FRMD3: variants seen among roughly 807,000 people sequenced by gnomAD.
The protein encoded by FRMD3 is FERM domain containing 3, also known as FERM domain-containing protein 3.
Under a neutral mutation model 70.2 loss-of-function variants are expected in FRMD3, and 33 were observed. That is an observed-to-expected ratio of 0.47 (90% CI 0.36 to 0.63). The LOEUF (loss-of-function observed/expected upper bound fraction) is 0.63, where lower values mean the gene tolerates loss of function less well. FRMD3 is among the 20% of genes least tolerant of loss of function. The probability of loss-of-function intolerance (pLI) is 0.00; values close to 1 mark genes in which losing one functional copy is unlikely to be tolerated. For missense variants in FRMD3, 632 were observed against 711.4 expected (o/e 0.89, Z 1.27); for synonymous variants, 279 against 255.9 (o/e 1.09, Z -0.86).
intron 1 of FRMD3, among the ~76,000 whole-genome samples, chr9:83,439,171 A>ACAT: frequency 6.6e-6 from 1 of 152,358 alleles, no homozygotes; most frequent in Admixed American, 6.5e-5. Flanking sequence ...CACTTGATGA[A>ACAT]CATGGTTAAA....
At chr9:83,491,843 A>G (rs777217708) in intron 1 of FRMD3, among the ~76,000 whole-genome samples, 5 of 152,204 alleles carry the variant, frequency 3.3e-5, no homozygotes, top group Non-Finnish European at 7.3e-5. Context: ...AGCGTATTAC[A>G]GTGATATGCA....
the FRMD3 span, among the ~76,000 whole-genome samples, chr9:83,565,369 A>G: frequency 6.6e-6 from 1 of 152,338 alleles, no homozygotes; most frequent in East Asian, 1.9e-4. Flanking sequence ...CTAAAGGCGC[A>G]TGCTATAGTT....
chr9:83,507,687 C>CATAT lies in FRMD3; in HGVS notation c.147+30397_147+30398insATAT, dbSNP rs60192207. Among the ~76,000 whole-genome samples, 395 of 46,892 alleles carry CATAT rather than the reference C, an allele frequency of 8.4e-3. 55 individuals are homozygous for CATAT. Among genetic ancestry groups the CATAT allele is most frequent in the Middle Eastern group, 0.029 (2 of 68 alleles). The allele number at this position is 46,892 out of a possible 152,430, so 30.8% of individuals were successfully genotyped here. On this transcript the variant is annotated intron_variant, in intron 1 of 13. Transcript: ENST00000304195. ...TCCGTCTCAAACAAAAAAAAATATACATACATATATATATATATATATATA... is the reference window on the plus strand; with the variant it reads ...TCCGTCTCAAACAAAAAAAAATATACATATATACATATATATATATATATATATA...
At position 83,413,461 on chromosome 9, in the gene FRMD3, G is replaced by A. The variant is rs189228107; in HGVS notation, c.148-23753C>T. On this transcript the variant is annotated intron_variant, in intron 1 of 13. Coordinates refer to ENST00000304195, the MANE Select transcript of FRMD3 (RefSeq NM_174938.6). ...CAAGGATGCACCCGGGCCCCTGAAT[G>A]TCACAACAATATGTCAGTTCTTTCA... Among the ~76,000 whole-genome samples, 440 of 152,296 alleles carry A rather than the reference G, an allele frequency of 2.9e-3. 1 individual carries two copies. The highest frequency in any genetic ancestry group is 8.5e-3 in the South Asian group (41 of 4,818).
At chr9:83,433,984 T>G (rs1827057767) in intron 1 of FRMD3, among the ~76,000 whole-genome samples, 1 of 152,216 alleles carries the variant, frequency 6.6e-6, no homozygotes, top group Admixed American at 6.5e-5. Flanking sequence ...AGTCACCATC[T>G]TGCTCTATTC....
At position 83,272,877 on chromosome 9, in the gene FRMD3, C is replaced by G. The variant is rs190918619; in HGVS notation, c.1195+17726G>C. Among the ~76,000 whole-genome samples the G allele has an allele frequency of 1.6e-4, 21 of 132,000 alleles. 1 individual carries two copies. In the South Asian group the frequency reaches 2.3e-3, roughly 15 times the overall value. 86.6% of individuals were successfully genotyped at this position (132,000 alleles called of 152,430 possible). A position where few individuals can be genotyped will look rare whatever the true frequency, so the allele number is the denominator to read the frequency against. On this transcript the variant is annotated intron_variant, in intron 13 of 13. Transcript: ENST00000304195. ...AGCGTCTCTGCCCGGCCACCCCGTC[C>G]GAGAAGTGAGGAGCCCCTCCGCCCG...
chr9:83,438,480 C>T (rs998190360), intron 1 of FRMD3, among the ~76,000 whole-genome samples: 2 of 152,068 alleles, frequency 1.3e-5, no homozygotes, highest in African/African-American at 2.4e-5. Flanking sequence ...AGTGCAATGG[C>T]ACAATCTTGG....
At chr9:83,582,603 ACT>A in the FRMD3 span, among the ~76,000 whole-genome samples, 1 of 152,208 alleles carries the variant, frequency 6.6e-6, no homozygotes, top group Non-Finnish European at 1.5e-5. Context: ...GAGGTATAAA[ACT>A]CTCCATAGCA....
upstream of FRMD3, among the ~76,000 whole-genome samples, chr9:83,538,807 G>C (rs1400348453): frequency 1.3e-5 from 2 of 150,402 alleles, no homozygotes; most frequent in Non-Finnish European, 2.9e-5. The surrounding 1 kb of genome is among the most constrained non-coding windows in gnomAD (Gnocchi z 4.7). Context: ...GGGACCTGGC[G>C]CGGGTAGGGG....
chr9:83,513,998 C>T lies in FRMD3; in HGVS notation c.147+24087G>A, dbSNP rs1417302075. Among the ~76,000 whole-genome samples the T allele has an allele frequency of 4.6e-5, 7 of 152,188 alleles. No individual in the cohort carries two copies. In the East Asian group the frequency reaches 1.3e-3, roughly 29 times the overall value. On this transcript the variant is annotated intron_variant, in intron 1 of 13. Coordinates refer to ENST00000304195, the MANE Select transcript of FRMD3 (RefSeq NM_174938.6). ...CAGGAGATTCCCTTGGGTGCCTACA[C>T]CACAAGGGCCCTGGGTTTCAAGCAC... is the stretch of plus-strand genomic sequence containing the variant.
the FRMD3 span, among the ~76,000 whole-genome samples, chr9:83,572,148 G>GGT: frequency 0.023 from 3,482 of 148,908 alleles, 102 homozygotes; most frequent in African/African-American, 0.068. Flanking sequence ...AGTTTTTTGA[G>GGT]GTGTGTGTGT....
upstream of FRMD3, among the ~76,000 whole-genome samples, chr9:83,539,893 A>C (rs146434571): frequency 6.6e-6 from 1 of 152,344 alleles, no homozygotes; most frequent in Non-Finnish European, 1.5e-5. Flanking sequence ...AGTATGGGGC[A>C]TTCATGTAGG....
chr9:83,460,982 G>A (rs1827954390), intron 1 of FRMD3, among the ~76,000 whole-genome samples: 2 of 151,952 alleles, frequency 1.3e-5, no homozygotes, highest in African/African-American at 4.8e-5. Flanking sequence ...TGTAGAGGTG[G>A]GGACAGCCAG....
At chr9:83,517,201 T>C (rs1829471824) in intron 1 of FRMD3, among the ~76,000 whole-genome samples, 1 of 151,742 alleles carries the variant, frequency 6.6e-6, no homozygotes. Flanking sequence ...TTTGGAAAGA[T>C]CAACAAAATA....
intron 13 of FRMD3, among the ~76,000 whole-genome samples, chr9:83,264,816 G>GA: frequency 6.6e-6 from 1 of 150,610 alleles, no homozygotes. Flanking sequence ...GTGGGGGGAG[G>GA]GGGGAAGGTA....
At chr9:83,393,277 A>G (rs530913145) in intron 1 of FRMD3, among the ~76,000 whole-genome samples, 2 of 152,342 alleles carry the variant, frequency 1.3e-5, no homozygotes, top group African/African-American at 4.8e-5. Context: ...TGTGAAGACA[A>G]TTGCAATATT....
intron 13 of FRMD3, among the ~76,000 whole-genome samples, chr9:83,257,749 T>G (rs4877750): frequency 6.6e-6 from 1 of 152,018 alleles, no homozygotes; most frequent in Non-Finnish European, 1.5e-5. Context: ...CATCCACATC[T>G]GAGAAGCCTC....
chr9:83,574,245 T>G, the FRMD3 span, among the ~76,000 whole-genome samples: 7 of 152,202 alleles, frequency 4.6e-5, no homozygotes, highest in African/African-American at 1.4e-4. Flanking sequence ...GTATGACCCT[T>G]TCTGATTTTA....
intron 1 of FRMD3, among the ~76,000 whole-genome samples, chr9:83,483,551 C>G (rs1828617688): frequency 6.6e-6 from 1 of 152,150 alleles, no homozygotes; most frequent in East Asian, 1.9e-4. Flanking sequence ...ACGTCTGAAA[C>G]TAAAACCTTA....
Sources: gnomAD v4.1 joint callset for allele counts (sites outside exome capture counted in the v4.1 genomes callset) on GRCh38, gnomAD v4.1.1 for gene constraint, Gnocchi (gnomAD v3.1) non-coding constraint, MANE v1.5 for transcripts, NCBI Gene and HGNC (gene_info 2026-07-23, HGNC 2026-07-21) for gene names.